DNM3: variants seen among roughly 807,000 people sequenced by gnomAD.
The protein encoded by DNM3 is dynamin-3.
Under a neutral mutation model 101.6 loss-of-function variants are expected in DNM3, and 47 were observed. The observed-to-expected ratio is 0.46, with a 90% CI of 0.37 to 0.59. The LOEUF (loss-of-function observed/expected upper bound fraction) is 0.59. Ranked by LOEUF, DNM3 falls within the 20% of genes least tolerant of loss-of-function variation. DNM3 has a pLI of 0.00. For missense variants in DNM3, 849 were observed against 1,085.7 expected (o/e 0.78, Z 3.06); for synonymous variants, 385 against 387.9 (o/e 0.99, Z 0.09).
Position 172,186,726 on chromosome 1 carries a change from C to T in DNM3, c.1659+55438C>T, listed in dbSNP as rs187393189. Among the ~76,000 whole-genome samples the T allele has an allele frequency of 1.1e-3, 173 of 152,210 alleles. 1 individual carries two copies. The highest frequency in any genetic ancestry group is 0.011 in the Admixed American group (166 of 15,260). ...AGAAAGTTTTGAGAGCATCATTTGC[C>T]AGCCTGGAAGTATTTTTCATCTCTA... On this transcript the variant is annotated intron_variant, in intron 14 of 20. Transcript: ENST00000627582.
At chr1:172,003,436 A>G (rs191328847) in intron 4 of DNM3, among the ~76,000 whole-genome samples, 1 of 152,116 alleles carries the variant, frequency 6.6e-6, no homozygotes, top group Admixed American at 6.6e-5. Flanking sequence ...TTTTGTTGGC[A>G]GTGTAAATAA....
intron 2 of DNM3, among the ~76,000 whole-genome samples, chr1:171,936,793 A>G (rs2041456757): frequency 6.6e-6 from 1 of 152,258 alleles, no homozygotes. Flanking sequence ...ATTGCTATAA[A>G]TAATTATTTT....
At chr1:171,847,395 T>C (rs10913843) in intron 1 of DNM3, among the ~76,000 whole-genome samples, 1 of 152,190 alleles carries the variant, frequency 6.6e-6, no homozygotes, top group Non-Finnish European at 1.5e-5. Context: ...AGCCTGCATG[T>C]ACTGAAGTAT....
At chr1:171,977,534 TA>T (rs1423692039) in intron 2 of DNM3, among the ~76,000 whole-genome samples, 1 of 152,182 alleles carries the variant, frequency 6.6e-6, no homozygotes, top group Non-Finnish European at 1.5e-5. Context: ...ATTGAAATAA[TA>T]AAAAGTGTTT....
At chr1:172,234,238 A>C (rs1303000708) in intron 14 of DNM3, among the ~76,000 whole-genome samples, 2 of 152,154 alleles carry the variant, frequency 1.3e-5, no homozygotes, top group Non-Finnish European at 2.9e-5. Context: ...GCATTCTTAC[A>C]CACCAATAAC....
At chr1:172,228,287 T>A (rs1432097640) in intron 14 of DNM3, among the ~76,000 whole-genome samples, 1 of 152,010 alleles carries the variant, frequency 6.6e-6, no homozygotes, top group African/African-American at 2.4e-5. Context: ...ATCTAAAATT[T>A]CTATTTTGTG....
At chr1:171,912,488 T>C (rs1305073538) in intron 1 of DNM3, among the ~76,000 whole-genome samples, 1 of 152,196 alleles carries the variant, frequency 6.6e-6, no homozygotes, top group Non-Finnish European at 1.5e-5. Flanking sequence ...TCCAGTGACC[T>C]ATAATGTCAT....
At chr1:171,950,953 C>T (rs962625192) in intron 2 of DNM3, among the ~76,000 whole-genome samples, 2 of 152,120 alleles carry the variant, frequency 1.3e-5, no homozygotes, top group African/African-American at 4.8e-5. Flanking sequence ...CCTCCTCCTT[C>T]TCCTCCTCTT....
chr1:172,068,676 C>G, intron 10 of DNM3, 143 bp from the exon 11 acceptor site: 1 of 669,444 alleles, frequency 1.5e-6, no homozygotes, highest in Non-Finnish European at 2.6e-6. Context: ...CCTTGACATC[C>G]TTCTTTAGGA....
At chr1:171,997,202 C>A (rs769326619) in intron 4 of DNM3, among the ~76,000 whole-genome samples, 9 of 152,012 alleles carry the variant, frequency 5.9e-5, no homozygotes, top group Non-Finnish European at 1.0e-4. Context: ...TTTCATAATT[C>A]AAACTACTGC....
chr1:171,843,939 C>T (rs1164936910), intron 1 of DNM3, among the ~76,000 whole-genome samples: 1 of 151,964 alleles, frequency 6.6e-6, no homozygotes, highest in Non-Finnish European at 1.5e-5. Flanking sequence ...TGTTAGAACG[C>T]CAAATCAAAG....
intron 12 of DNM3, among the ~76,000 whole-genome samples, chr1:172,092,300 T>C (rs1043316726): frequency 1.3e-5 from 2 of 152,134 alleles, no homozygotes; most frequent in African/African-American, 2.4e-5. Context: ...GACTGGACAA[T>C]ATCACAAAGA....
At chr1:171,909,454 AAG>A (rs2039109507) in intron 1 of DNM3, among the ~76,000 whole-genome samples, 1 of 148,070 alleles carries the variant, frequency 6.8e-6, no homozygotes, top group South Asian at 2.2e-4. Flanking sequence ...AAAAAAAAAA[AAG>A]TCAGAGGTGG....
chr1:172,299,298 G>C (rs1343711639), intron 15 of DNM3, among the ~76,000 whole-genome samples: 1 of 152,242 alleles, frequency 6.6e-6, no homozygotes, highest in African/African-American at 2.4e-5. Flanking sequence ...ATCATAGGGA[G>C]TGTGGCCTTT....
chr1:171,964,333 C>T (rs1003841890), intron 2 of DNM3, among the ~76,000 whole-genome samples: 2 of 152,150 alleles, frequency 1.3e-5, no homozygotes, highest in Non-Finnish European at 2.9e-5. Flanking sequence ...AGAACCTCGG[C>T]CTCTACAACC....
At chr1:172,057,935 G>A (rs2050784904) in intron 10 of DNM3, among the ~76,000 whole-genome samples, 1 of 137,678 alleles carries the variant, frequency 7.3e-6, no homozygotes, top group Non-Finnish European at 1.5e-5. Context: ...TCAGTGTGCT[G>A]TATTCAGGAA....
chr1:171,943,484 T>G (rs1160396161), intron 2 of DNM3, among the ~76,000 whole-genome samples: 6 of 152,242 alleles, frequency 3.9e-5, no homozygotes, highest in African/African-American at 2.4e-5. Flanking sequence ...GGAGGCTTCA[T>G]CTACATGATA....
At chr1:172,139,512 A>G (rs1397880501) in intron 14 of DNM3, 1 of 152,712 alleles carries the variant, frequency 6.5e-6, no homozygotes, top group Non-Finnish European at 1.5e-5. Context: ...GTGAAACAAC[A>G]GGAACCTATT....
At chr1:172,338,677 C>T (rs555318568) in intron 17 of DNM3, 31 of 347,970 alleles carry the variant, frequency 8.9e-5, no homozygotes, top group Non-Finnish European at 2.9e-5. Flanking sequence ...GCAGCCACAG[C>T]CCACCAGGTG....
Sources: gnomAD v4.1 joint callset for allele counts (sites outside exome capture counted in the v4.1 genomes callset) on GRCh38, gnomAD v4.1.1 for gene constraint, MANE v1.5 for transcripts, NCBI Gene and HGNC (gene_info 2026-07-23, HGNC 2026-07-21) for gene names.